The following SFMBT2 variants were observed in gnomAD, a reference collection of about 807,000 sequenced individuals.
The protein encoded by SFMBT2 is Scm like with four mbt domains 2.
A neutral mutation model predicts 110.1 loss-of-function variants in SFMBT2; 38 were observed. The observed-to-expected ratio is 0.35, with a 90% CI of 0.27 to 0.45. The LOEUF (loss-of-function observed/expected upper bound fraction) is 0.45, where lower values mean the gene tolerates loss of function less well. Ranked by LOEUF, SFMBT2 falls within the 20% of genes least tolerant of loss-of-function variation. SFMBT2 has a pLI of 1.00. For missense variants in SFMBT2, 1,011 were observed against 1,094.9 expected, an observed-to-expected ratio of 0.92 and a Z score of 1.08; for synonymous variants, 425 against 425.4, an observed-to-expected ratio of 1.00 and a Z score of 0.01.
At position 7,193,550 on chromosome 10, in the gene SFMBT2, G is replaced by A. The variant is rs139481617; in HGVS notation, c.1698+3998C>T. ...TTTCAGAGTCGTTTCTGCCAGGAGC[G>A]CTTGGCTGGTCTGCTCTCACCTTCA... On this transcript the variant is annotated intron_variant, in intron 15 of 20. Transcript: ENST00000397167. Among the ~76,000 whole-genome samples the A allele has an allele frequency of 7.9e-3, 1,199 of 152,166 alleles. 6 individuals are homozygous for A. The highest frequency in any genetic ancestry group is 0.012 in the Non-Finnish European group (810 of 67,988).
intron 4 of SFMBT2, chr10:7,286,453 G>A: frequency 5.0e-6 from 4 of 792,522 alleles, no homozygotes; most frequent in Non-Finnish European, 4.6e-6. Context: ...TAGAGAAATG[G>A]GGAGAATAAG....
At chr10:7,253,252 G>A (rs1840873419) in intron 7 of SFMBT2, among the ~76,000 whole-genome samples, 2 of 152,168 alleles carry the variant, frequency 1.3e-5, no homozygotes, top group South Asian at 4.1e-4. Context: ...ACTGCTCTGT[G>A]AGGCCTTCTG....
At chr10:7,330,478 C>A (rs547991569) in intron 4 of SFMBT2, among the ~76,000 whole-genome samples, 1 of 152,286 alleles carries the variant, frequency 6.6e-6, no homozygotes, top group South Asian at 2.1e-4. Flanking sequence ...TAGGGACATA[C>A]ACCACCCACC....
In SFMBT2 at chr10:7,171,845, G is replaced by C; in HGVS notation, c.2415+50C>G. ...CGTGGCCCTGAAGTGTAACAGGTGT[G>C]CTTCTTCAGACCCAGCGGGAAGCCC... On this transcript the variant is annotated intron_variant, in intron 19 of 20. Transcript: ENST00000397167. This position sits in a 1 kb window ranked among gnomAD's most constrained non-coding sequence, Gnocchi z 4.9. 7.3e-7 allele frequency: 1 copy of C among 1,375,664 alleles called. No homozygotes were observed. Among genetic ancestry groups the C allele is most frequent in the African/African-American group, 1.5e-5 (1 of 66,108 alleles). 85.2% of individuals were successfully genotyped at this position (1,375,664 alleles called of 1,614,324 possible). A position where few individuals can be genotyped will look rare whatever the true frequency, so the allele number is the denominator to read the frequency against.
At chr10:7,183,366 C>T (rs1313165289) in intron 16 of SFMBT2, among the ~76,000 whole-genome samples, 1 of 152,168 alleles carries the variant, frequency 6.6e-6, no homozygotes, top group Non-Finnish European at 1.5e-5. Context: ...GCTGGCAGTG[C>T]TCTCGGAAGC....
intron 10 of SFMBT2, among the ~76,000 whole-genome samples, chr10:7,220,770 TAAACGAGTGAGAGTATGAA>T (rs1839701749): frequency 1.3e-5 from 2 of 152,098 alleles, no homozygotes; most frequent in African/African-American, 4.8e-5. Flanking sequence ...TACTATTTGT[TAAACGAGTGAGAGTATGAA>T]TTCATTCTCT....
intron 2 of SFMBT2, among the ~76,000 whole-genome samples, chr10:7,380,335 T>A (rs1436201196): frequency 1.3e-5 from 2 of 152,188 alleles, no homozygotes; most frequent in Admixed American, 1.3e-4. Flanking sequence ...ATGAGCCGAT[T>A]TGGAAACAGA....
Position 7,202,840 on chromosome 10 carries a change from C to CT in SFMBT2, c.1445-319_1445-318insA, listed in dbSNP as rs1839001042. 1.0e-5 allele frequency: 10 copies of CT among 985,366 alleles called. No individual in the cohort carries two copies. The South Asian group carries it at 3.8e-4, about 37-fold the overall frequency. The allele number at this position is 985,366 out of a possible 1,614,324, so 61.0% of individuals were successfully genotyped here. On this transcript the variant is annotated intron_variant, in intron 12 of 20. Transcript: ENST00000397167. ...CTCACATTAGCACACATGTTCAGAT[C>CT]AATTGTTGCAAGCAGTTATCCGGAA...
chr10:7,179,722 C>T (rs1330390502), intron 16 of SFMBT2, among the ~76,000 whole-genome samples: 3 of 152,240 alleles, frequency 2.0e-5, no homozygotes, highest in Non-Finnish European at 4.4e-5. Flanking sequence ...GGTGACGAAG[C>T]ACACACACGC....
chr10:7,189,919 A>G (rs1838543473), intron 15 of SFMBT2, among the ~76,000 whole-genome samples: 1 of 152,224 alleles, frequency 6.6e-6, no homozygotes, highest in Non-Finnish European at 1.5e-5. Context: ...ATGTGGATGG[A>G]ATTTGCTTGT....
At chr10:7,350,188 T>C (rs1247497572) in intron 4 of SFMBT2, among the ~76,000 whole-genome samples, 1 of 151,568 alleles carries the variant, frequency 6.6e-6, no homozygotes, top group Non-Finnish European at 1.5e-5. Flanking sequence ...TCTTAGTTCC[T>C]AGATTTTTTT....
rs78497626 is a variant in SFMBT2, at chr10:7,180,294, A to G, written c.1809-4129T>C. ...TGCCCACCACCACGCCTATAGTGGT[A>G]ATTTTTTTTTTTTTTTGTATTTTTA... On this transcript the variant is annotated intron_variant, in intron 16 of 20. Coordinates refer to ENST00000397167, the MANE Select transcript of SFMBT2 (RefSeq NM_001387889.1). 1.3e-4 allele frequency among the ~76,000 whole-genome samples: 4 copies of G among 30,852 alleles called. No individual in the cohort carries two copies. The East Asian group carries it at 6.0e-3, about 46-fold the overall frequency. 20.2% of individuals were successfully genotyped at this position (30,852 alleles called of 152,430 possible). A position where few individuals can be genotyped will look rare whatever the true frequency, so the allele number is the denominator to read the frequency against.
rs1838910519 is a variant in SFMBT2 at position 7,200,309 on chromosome 10, G to A, written c.1558+105C>T. ...GTGGCAATGGAGAAAAACAGAATAG[G>A]CTCAACGTTGAGATGTATTCATATC... On this transcript the variant is annotated intron_variant, in intron 14 of 20. Coordinates refer to ENST00000397167, the MANE Select transcript of SFMBT2 (RefSeq NM_001387889.1). The A allele has an allele frequency of 5.7e-6, 5 of 869,900 alleles. No individual in the cohort carries two copies. In the Admixed American group the frequency reaches 9.3e-5, roughly 16 times the overall value. 53.9% of individuals were successfully genotyped at this position (869,900 alleles called of 1,614,324 possible). A position where few individuals can be genotyped will look rare whatever the true frequency, so the allele number is the denominator to read the frequency against.
At chr10:7,284,781 G>T (rs576214254) in intron 5 of SFMBT2, 1 of 182,732 alleles carries the variant, frequency 5.5e-6, no homozygotes, top group Non-Finnish European at 1.0e-5. Flanking sequence ...TATAATTACT[G>T]CCCCTTCTAA....
chr10:7,290,743 A>G (rs1281317076), intron 4 of SFMBT2, among the ~76,000 whole-genome samples: 1 of 152,076 alleles, frequency 6.6e-6, no homozygotes, highest in Non-Finnish European at 1.5e-5. Context: ...AGGCTGAGGC[A>G]GGAGAATGGT....
At chr10:7,189,126 A>T in intron 15 of SFMBT2, 1 of 982,052 alleles carries the variant, frequency 1.0e-6, no homozygotes, top group Non-Finnish European at 1.2e-6. Context: ...AGATTTCATA[A>T]GGAACTAATG....
At chr10:7,302,970 T>C (rs921573887) in intron 4 of SFMBT2, among the ~76,000 whole-genome samples, 3 of 150,976 alleles carry the variant, frequency 2.0e-5, no homozygotes, top group Non-Finnish European at 4.4e-5. Flanking sequence ...CACTATATCA[T>C]AAAACATTTC....
At position 7,407,438 on chromosome 10, in the gene SFMBT2, G is replaced by A. The variant is rs151077066; in HGVS notation, c.-52+3423C>T. Among the ~76,000 whole-genome samples the A allele has an allele frequency of 7.2e-4, 109 of 152,272 alleles. 1 individual carries two copies. Among genetic ancestry groups the A allele is most frequent in the Admixed American group, 1.8e-3 (28 of 15,302 alleles). Reference sequence around the variant, plus strand: ...AGCGGCAACCGAGCCAGATCCAAGAGGGGTCGGCCTCGTCTAAATTGGTTT... The same window carrying A: ...AGCGGCAACCGAGCCAGATCCAAGAAGGGTCGGCCTCGTCTAAATTGGTTT... On this transcript the variant is annotated intron_variant, in intron 1 of 20. Coordinates refer to ENST00000397167, the MANE Select transcript of SFMBT2 (RefSeq NM_001387889.1).
intron 4 of SFMBT2, among the ~76,000 whole-genome samples, chr10:7,319,182 C>T (rs541976334): frequency 6.6e-6 from 1 of 152,242 alleles, no homozygotes; most frequent in South Asian, 2.1e-4. Flanking sequence ...AACGTAAGTC[C>T]GCTGGCAAGG....
Sources: gnomAD v4.1 joint callset for allele counts (sites outside exome capture counted in the v4.1 genomes callset) on GRCh38, gnomAD v4.1.1 for gene constraint, Gnocchi (gnomAD v3.1) non-coding constraint, MANE v1.5 for transcripts, NCBI Gene and HGNC (gene_info 2026-07-23, HGNC 2026-07-21) for gene names.